BSND: variants seen among roughly 807,000 people sequenced by gnomAD.
BSND encodes the protein barttin CLCNK type accessory subunit beta, also known as barttin.
BSND carries 13 observed loss-of-function variants against 18.8 expected under a neutral mutation model. The ratio of observed to expected loss-of-function variants is 0.69; its 90% CI spans 0.45 to 1.10. BSND has a LOEUF of 1.10. Ranked by LOEUF, BSND falls within the 50% of genes least tolerant of loss-of-function variation. The probability of loss-of-function intolerance (pLI) is 0.00; values close to 1 mark genes in which losing one functional copy is unlikely to be tolerated. For missense variants in BSND, 379 were observed against 416.7 expected (o/e 0.91, Z 0.79); for synonymous variants, 170 against 161.8 (o/e 1.05, Z -0.39).
intron 1 of BSND, among the ~76,000 whole-genome samples, chr1:55,000,368 T>A (rs115196099): frequency 0.012 from 1,789 of 151,882 alleles, 19 homozygotes; most frequent in South Asian, 0.017. Context: ...TAACTTGGGC[T>A]CTGTCTCTTA....
intron 2 of BSND, among the ~76,000 whole-genome samples, chr1:55,005,555 C>T (rs762058636): frequency 1.9e-4 from 29 of 152,164 alleles, no homozygotes; most frequent in African/African-American, 5.8e-4. Context: ...CTCTTTGCCT[C>T]GTCTGTAAAA....
intron 2 of BSND, among the ~76,000 whole-genome samples, chr1:55,006,364 T>C (rs1644391502): frequency 6.6e-6 from 1 of 152,100 alleles, no homozygotes; most frequent in Admixed American, 6.5e-5. Context: ...AACCTTACTT[T>C]CCAGAGGGAC....
chr1:55,013,411 C>T lies in BSND; in HGVS notation c.*4783C>T, dbSNP rs545947901. ...CCCCTGACCTCAGATGATCTACCCG[C>T]CTCAGCCTCCCAAAGTGCTGGCATT... On this transcript the variant is annotated 3_prime_UTR_variant, in exon 4 of 4. Coordinates refer to ENST00000651561, the MANE Select transcript of BSND (RefSeq NM_057176.3). Among the ~76,000 whole-genome samples the T allele has an allele frequency of 3.3e-5, 5 of 152,312 alleles. No homozygotes were observed. The highest frequency in any genetic ancestry group is 6.5e-5 in the Admixed American group (1 of 15,310).
At position 54,999,493 on chromosome 1, in the gene BSND, T is replaced by A. The variant is rs974247124; in HGVS notation, c.177+130T>A. On this transcript the variant is annotated intron_variant, in intron 1 of 3. Transcript: ENST00000651561. ...CATTCTTCTCATTTTGACTCGGTCT[T>A]CTCTCTGCTCTCCTGAGCGTCTGTC... is the stretch of plus-strand genomic sequence containing the variant. 4 of 932,558 alleles carry A rather than the reference T, an allele frequency of 4.3e-6. No homozygotes were observed. The African/African-American group carries it at 6.7e-5, about 16-fold the overall frequency. The allele number at this position is 932,558 out of a possible 1,614,324, so 57.8% of individuals were successfully genotyped here. A position where few individuals can be genotyped will look rare whatever the true frequency, so the allele number is the denominator to read the frequency against.
intron 1 of BSND, among the ~76,000 whole-genome samples, chr1:55,002,188 T>C (rs1422600651): frequency 6.6e-6 from 1 of 152,240 alleles, no homozygotes. Context: ...GTACCCGTTG[T>C]GGCTAGGCAT....
intron 1 of BSND, among the ~76,000 whole-genome samples, chr1:55,001,503 G>A (rs1308653973): frequency 6.6e-6 from 1 of 152,050 alleles, no homozygotes; most frequent in Admixed American, 6.5e-5. Context: ...TGGTGCCTGG[G>A]CCAACGCTGC....
rs533607966 is a variant in BSND, at chr1:55,012,695, T to A, written c.*4067T>A. 6.6e-6 allele frequency among the ~76,000 whole-genome samples: 1 copy of A among 152,142 alleles called. No homozygotes were observed. Among genetic ancestry groups the A allele is most frequent in the East Asian group, 1.9e-4 (1 of 5,186 alleles). ...GTGCATTCACCAGGAGGAAGATGCATGTAAAAGCTTCTTGCAAGGGGTAAA... is the reference window on the plus strand; with the variant it reads ...GTGCATTCACCAGGAGGAAGATGCAAGTAAAAGCTTCTTGCAAGGGGTAAA... On this transcript the variant is annotated 3_prime_UTR_variant, in exon 4 of 4. Transcript: ENST00000651561.
rs1037218680 is a variant in BSND, at chr1:55,012,316, A to T, written c.*3688A>T. Among the ~76,000 whole-genome samples, 3 of 152,008 alleles carry T rather than the reference A, an allele frequency of 2.0e-5. No individual in the cohort carries two copies. Among genetic ancestry groups the T allele is most frequent in the Non-Finnish European group, 4.4e-5 (3 of 67,978 alleles). On this transcript the variant is annotated 3_prime_UTR_variant, in exon 4 of 4. Coordinates refer to ENST00000651561, the MANE Select transcript of BSND (RefSeq NM_057176.3). ...AAGACACCGTCACCCCTATTACCCT[A>T]TCTAGTCCGTGAAACAGCCCTGGGG...
At position 54,999,518 on chromosome 1, in the gene BSND, CCCATCCAT is replaced by C. The variant is rs375479641; in HGVS notation, c.177+190_177+197del. Among the ~76,000 whole-genome samples the C allele has an allele frequency of 0.073, 10,793 of 148,824 alleles. 811 individuals carry two copies. The highest frequency in any genetic ancestry group is 0.2 in the African/African-American group (7,839 of 38,840). ...TCTCTCTGCTCTCCTGAGCGTCTGT[CCCATCCAT>C]CCATCCATCCATCCATCCATCCATC... On this transcript the variant is annotated intron_variant, in intron 1 of 3. Transcript: ENST00000651561.
At position 55,006,252 on chromosome 1, in the gene BSND, G is replaced by A. The variant is rs112593199; in HGVS notation, c.273-745G>A. Among the ~76,000 whole-genome samples the A allele has an allele frequency of 4.1e-3, 627 of 152,294 alleles. 1 individual carries two copies. The highest frequency in any genetic ancestry group is 7.2e-3 in the Non-Finnish European group (493 of 68,014). On this transcript the variant is annotated intron_variant, in intron 2 of 3. Transcript: ENST00000651561. ...TCCGTCTCAGGGCCGGTTACTTGGG[G>A]TGGGCTCCTGTGATACAGTGGGGGC...
chr1:55,001,434 C>A (rs1168181455), intron 1 of BSND, among the ~76,000 whole-genome samples: 1 of 151,962 alleles, frequency 6.6e-6, no homozygotes, highest in Non-Finnish European at 1.5e-5. Flanking sequence ...GAGGAAAGCA[C>A]CTTATAAACC....
rs1191059967 is a variant in BSND at position 55,015,595 on chromosome 1, A to T, written c.*6967A>T. ...GGATCAGATCAGCAAGCCTGGGGGT[A>T]AGGAGGGCTAGATTTTATCTAGTCA... On this transcript the variant is annotated 3_prime_UTR_variant, in exon 4 of 4. Transcript: ENST00000651561. 6.6e-6 allele frequency among the ~76,000 whole-genome samples: 1 copy of T among 152,230 alleles called. No homozygotes were observed. Among genetic ancestry groups the T allele is most frequent in the South Asian group, 2.1e-4 (1 of 4,836 alleles).
intron 1 of BSND, among the ~76,000 whole-genome samples, chr1:55,000,291 G>A (rs1459129421): frequency 1.3e-5 from 2 of 152,328 alleles, no homozygotes; most frequent in Non-Finnish European, 1.5e-5. Context: ...GAGAGGCTGG[G>A]TGACTTCCAA....
Position 54,999,097 on chromosome 1 carries a change from C to G in BSND, c.-90C>G. ...AGTTGCAGCGATTTCAGTGTCTTCT[C>G]TCCCTGTGTAAGCCTGTCTCGGTGT... On this transcript the variant is annotated 5_prime_UTR_variant, in exon 1 of 4. Coordinates refer to ENST00000651561, the MANE Select transcript of BSND (RefSeq NM_057176.3). The G allele has an allele frequency of 6.6e-7, 1 of 1,512,004 alleles. No individual in the cohort carries two copies. 93.7% of individuals were successfully genotyped at this position (1,512,004 alleles called of 1,614,324 possible). A position where few individuals can be genotyped will look rare whatever the true frequency, so the allele number is the denominator to read the frequency against.
At chr1:55,000,933 G>T (rs371683377) in intron 1 of BSND, among the ~76,000 whole-genome samples, 450 of 152,320 alleles carry the variant, frequency 3.0e-3, no homozygotes, top group South Asian at 0.015. Context: ...CTCTGGGATG[G>T]TTGGTAGGCT....
intron 3 of BSND, among the ~76,000 whole-genome samples, chr1:55,007,645 G>A (rs1054730752): frequency 1.3e-5 from 2 of 152,144 alleles, no homozygotes; most frequent in Non-Finnish European, 2.9e-5. Context: ...AGTAGCAGGG[G>A]GCCAGGAGCC....
At position 55,008,958 on chromosome 1, in the gene BSND, CT is replaced by C; in HGVS notation, c.*331del. 2.4e-6 allele frequency: 1 copy of C among 416,234 alleles called. No individual in the cohort carries two copies. The highest frequency in any genetic ancestry group is 3.6e-5 in the Admixed American group (1 of 27,502). The allele number at this position is 416,234 out of a possible 1,614,324, so 25.8% of individuals were successfully genotyped here. ...CTTCCTTGGTGCTCCCTCTGGGCCC[CT>C]GATCCTTTGTGAAGGCCAGTCAGGT... On this transcript the variant is annotated 3_prime_UTR_variant, in exon 4 of 4. Transcript: ENST00000651561.
At chr1:55,004,860 T>G (rs577807986) in intron 1 of BSND, among the ~76,000 whole-genome samples, 162 bp from the exon 2 acceptor site, 1 of 152,336 alleles carries the variant, frequency 6.6e-6, no homozygotes, top group South Asian at 2.1e-4. Flanking sequence ...ATCCTCCCGC[T>G]GGTGCTGTGC....
At position 55,012,833 on chromosome 1, in the gene BSND, G is replaced by A. The variant is rs1381998041; in HGVS notation, c.*4205G>A. Reference sequence around the variant, plus strand: ...GAGGGGAGCAGCATGCTGAGTGAGAGAGGCAGCACCCTGGAAGCTTGGAGG... The same window carrying A: ...GAGGGGAGCAGCATGCTGAGTGAGAAAGGCAGCACCCTGGAAGCTTGGAGG... On this transcript the variant is annotated 3_prime_UTR_variant, in exon 4 of 4. Transcript: ENST00000651561. 6.6e-6 allele frequency among the ~76,000 whole-genome samples: 1 copy of A among 152,196 alleles called. No individual in the cohort carries two copies. The highest frequency in any genetic ancestry group is 6.5e-5 in the Admixed American group (1 of 15,284).
Sources: gnomAD v4.1 joint callset for allele counts (sites outside exome capture counted in the v4.1 genomes callset) on GRCh38, gnomAD v4.1.1 for gene constraint, MANE v1.5 for transcripts, NCBI Gene and HGNC (gene_info 2026-07-23, HGNC 2026-07-21) for gene names.